Variants in TERT observed in about 807,000 individuals in gnomAD.
TERT encodes telomerase reverse transcriptase, also known as telomerase catalytic subunit.
A neutral mutation model predicts 104.0 loss-of-function variants in TERT; 42 were observed. That is an observed-to-expected ratio of 0.40 (90% confidence interval 0.32 to 0.52). The LOEUF is 0.52. TERT is among the 20% of genes least tolerant of loss of function. The pLI, the probability that TERT is intolerant of heterozygous loss-of-function variation, is 0.43. For synonymous variants in TERT, 781 were observed against 725.6 expected (o/e 1.08, Z -1.23); for missense variants, 1,101 against 1,610.3 (o/e 0.68, Z 5.41).
intron 6 of TERT, among the ~76,000 whole-genome samples, chr5:1,276,464 C>G (rs1311264005): frequency 6.7e-6 from 1 of 149,748 alleles, no homozygotes; most frequent in Non-Finnish European, 1.5e-5. Context: ...CCACCTACCC[C>G]ACACATAAAA....
intron 15 of TERT, among the ~76,000 whole-genome samples, chr5:1,254,127 G>C (rs540079055): frequency 6.6e-6 from 1 of 152,186 alleles, no homozygotes; most frequent in Non-Finnish European, 1.5e-5. Context: ...CCCAAGCGTG[G>C]GGAGCCATCG....
At chr5:1,280,902 C>T (rs984107962) in intron 3 of TERT, among the ~76,000 whole-genome samples, 3 of 152,236 alleles carry the variant, frequency 2.0e-5, no homozygotes, top group Non-Finnish European at 2.9e-5. Flanking sequence ...GGGGCTGGAG[C>T]GGCCACACCT....
chr5:1,254,836 G>A (rs1747600632), intron 14 of TERT, among the ~76,000 whole-genome samples: 1 of 152,182 alleles, frequency 6.6e-6, no homozygotes, highest in African/African-American at 2.4e-5. Context: ...GACGGCGCGG[G>A]GCTCTGTCGT....
In TERT at chr5:1,270,094, G is replaced by A. The variant is rs1000027099; in HGVS notation, c.2468+1025C>T. 3.3e-5 allele frequency among the ~76,000 whole-genome samples: 5 copies of A among 152,154 alleles called. No individual in the cohort carries two copies. The highest frequency in any genetic ancestry group is 1.9e-4 in the East Asian group (1 of 5,198). ...AGCGAATTCTGTGGGCCTGGGGGCC[G>A]CTTACACACATGTGCACACGTGTCC... On this transcript the variant is annotated intron_variant, in intron 8 of 15. Transcript: ENST00000310581. This position sits in a 1 kb window ranked among gnomAD's most constrained non-coding sequence, Gnocchi z 8.3.
At chr5:1,254,749 A>T (rs1400314490) in intron 14 of TERT, among the ~76,000 whole-genome samples, 1 of 152,236 alleles carries the variant, frequency 6.6e-6, no homozygotes, top group African/African-American at 2.4e-5. Flanking sequence ...ACATGGCTTG[A>T]ATTTCAGACG....
chr5:1,267,586 A>T (rs912663450), intron 9 of TERT, among the ~76,000 whole-genome samples: 5 of 152,222 alleles, frequency 3.3e-5, no homozygotes, highest in Non-Finnish European at 5.9e-5. Flanking sequence ...AACCAACCCA[A>T]ATGTCCATCG....
chr5:1,290,594 A>G (rs1303056551), intron 2 of TERT, among the ~76,000 whole-genome samples: 28 of 56,662 alleles, frequency 4.9e-4, no homozygotes, highest in African/African-American at 6.9e-4. Flanking sequence ...ACACCCGGGG[A>G]CCGCGCCTCA....
rs199422301 is a variant in TERT, at chr5:1,271,156, G to A, written c.2431C>T (p.Arg811Cys). 2.5e-6 allele frequency: 4 copies of A among 1,613,048 alleles called. No individual in the cohort carries two copies. Among genetic ancestry groups the A allele is most frequent in the Non-Finnish European group, 3.4e-6 (4 of 1,180,036 alleles). ...ASSGLFDVFL[R>C]FMCHHAVRIR... Reference sequence around the variant, plus strand: ...CGCACGGCGTGGTGGCACATGAAGCGTAGGAAGACGTCGAAGAGGCCACTG... The same window carrying A: ...CGCACGGCGTGGTGGCACATGAAGCATAGGAAGACGTCGAAGAGGCCACTG... The change falls in exon 8 of 16, where the codon CGC becomes TGC. Residue 811 changes from arginine to cysteine, a missense_variant. Physicochemically the swap from Arg to Cys is radical, Grantham distance 180 (BLOSUM62 -3). Around this residue, in one of 5 missense-constraint regions of TERT, gnomAD observed 463 missense variants for 797.5 expected, o/e 0.58. Transcript: ENST00000310581.
intron 10 of TERT, 62 bp downstream of exon 10, chr5:1,266,402 G>A (rs1458614981): frequency 2.8e-6 from 4 of 1,405,954 alleles, no homozygotes; most frequent in African/African-American, 1.4e-5. Flanking sequence ...AGGACACGGG[G>A]GGCTCAACTG....
chr5:1,253,647 C>CCCCT lies in TERT; in HGVS notation c.*77_*80dup, dbSNP rs1422719511. On this transcript the variant is annotated 3_prime_UTR_variant, in exon 16 of 16. Transcript: ENST00000310581. ...GCGGTGCGGGCCTGGGTGTGGGCCG[C>CCCCT]CCCTCCCTCCCTGGGACGTAGAGCC... The CCCCT allele has an allele frequency of 3.1e-6, 4 of 1,270,960 alleles. No homozygotes were observed. Among genetic ancestry groups the CCCCT allele is most frequent in the Admixed American group, 2.0e-5 (1 of 51,186 alleles). The allele number at this position is 1,270,960 out of a possible 1,614,324, so 78.7% of individuals were successfully genotyped here. A position where few individuals can be genotyped will look rare whatever the true frequency, so the allele number is the denominator to read the frequency against.
At chr5:1,254,284 A>T (rs1263360698) in intron 15 of TERT, 84 bp downstream of exon 15, 2 of 1,593,752 alleles carry the variant, frequency 1.3e-6, no homozygotes, top group African/African-American at 2.7e-5. Context: ...CTTCAGCAGC[A>T]TCTGAGGCTG....
At chr5:1,290,552 ACGGTGCCT>A (rs1750836916) in intron 2 of TERT, among the ~76,000 whole-genome samples, 1 of 53,954 alleles carries the variant, frequency 1.9e-5, no homozygotes, top group Non-Finnish European at 3.3e-5. Flanking sequence ...ACACCCGGGG[ACGGTGCCT>A]CACTCACCCT....
intron 6 of TERT, among the ~76,000 whole-genome samples, chr5:1,277,605 T>G (rs1400052422): frequency 9.8e-5 from 12 of 122,592 alleles, no homozygotes; most frequent in Non-Finnish European, 1.5e-4. Flanking sequence ...AGCGGGGATG[T>G]GGGGGGGGGT....
chr5:1,282,264 C>G (rs1431376310), intron 3 of TERT, among the ~76,000 whole-genome samples, 165 bp downstream of exon 3: 1 of 152,222 alleles, frequency 6.6e-6, no homozygotes, highest in Admixed American at 6.5e-5. Context: ...GCAGTCAGAG[C>G]CTTGCACAGA....
intron 2 of TERT, among the ~76,000 whole-genome samples, chr5:1,289,912 A>G (rs1750771174): frequency 1.6e-5 from 1 of 62,044 alleles, no homozygotes; most frequent in African/African-American, 8.5e-5. Flanking sequence ...CGTGACAGGG[A>G]CACCCGGGGG....
rs759325801 is a variant in TERT, at chr5:1,287,133, C to T, written c.1574-4509G>A. Among the ~76,000 whole-genome samples the T allele has an allele frequency of 1.5e-4, 23 of 152,096 alleles. No individual in the cohort carries two copies. The highest frequency in any genetic ancestry group is 2.5e-4 in the Non-Finnish European group (17 of 68,024). On this transcript the variant is annotated intron_variant, in intron 2 of 15. Transcript: ENST00000310581. This position sits in a 1 kb window ranked among gnomAD's most constrained non-coding sequence, Gnocchi z 4.3. The stretch of plus-strand genomic sequence containing the variant: ...TAAATCAGGTTATCCAGTTAAACAA[C>T]GACTGTCAGACTGGATTGGAAATTC...
rs531661302 is a variant in TERT, at chr5:1,270,553, G to A, written c.2468+566C>T. 4.1e-3 allele frequency among the ~76,000 whole-genome samples: 628 copies of A among 152,332 alleles called. 3 individuals are homozygous for A. Among genetic ancestry groups the A allele is most frequent in the South Asian group, 0.026 (126 of 4,832 alleles). On this transcript the variant is annotated intron_variant, in intron 8 of 15. Coordinates refer to ENST00000310581, the MANE Select transcript of TERT (RefSeq NM_198253.3). The surrounding 1 kb of genome is among the most constrained non-coding windows in gnomAD (Gnocchi z 8.3). ...CTCACCCAGTGGCTGTGTGACGGCAGCTCTCCCAGGCCGCCTGCCCCATGG... is the reference window on the plus strand; with the variant it reads ...CTCACCCAGTGGCTGTGTGACGGCAACTCTCCCAGGCCGCCTGCCCCATGG...
rs547562276 is a variant in TERT, at chr5:1,260,364, G to A, written c.2970+110C>T. ...TATATGCGTACATGTGCACTCTTACGTGCAGCCAGTCACCATCAGCCTTGC... is the reference window on the plus strand; with the variant it reads ...TATATGCGTACATGTGCACTCTTACATGCAGCCAGTCACCATCAGCCTTGC... On this transcript the variant is annotated intron_variant, in intron 12 of 15. Transcript: ENST00000310581. The A allele has an allele frequency of 1.5e-4, 232 of 1,552,232 alleles. No homozygotes were observed. The Admixed American group carries it at 1.9e-3, about 12-fold the overall frequency.
intron 6 of TERT, among the ~76,000 whole-genome samples, chr5:1,276,056 TG>T (rs1256456212): frequency 1.6e-5 from 2 of 125,386 alleles, no homozygotes; most frequent in African/African-American, 3.1e-5. Context: ...ACCCCACACA[TG>T]AAAACCAATC....
Sources: gnomAD v4.1 joint callset for allele counts (sites outside exome capture counted in the v4.1 genomes callset) on GRCh38, gnomAD v4.1.1 for gene constraint, gnomAD v4.1.1 regional missense constraint, Gnocchi (gnomAD v3.1) non-coding constraint, MANE v1.5 for transcripts, NCBI Gene and HGNC (gene_info 2026-07-23, HGNC 2026-07-21) for gene names.